ERBB4: variants seen among roughly 807,000 people sequenced by gnomAD.
The protein encoded by ERBB4 is receptor tyrosine-protein kinase erbB-4.
In ERBB4, 42 loss-of-function variants were observed where a neutral mutation model predicts 158.0. The ratio of observed to expected loss-of-function variants is 0.27; its 90% CI spans 0.21 to 0.34. The LOEUF (loss-of-function observed/expected upper bound fraction) is 0.34. Among genes scored for constraint, ERBB4 ranks in the 10% least tolerant of loss-of-function variants. The pLI, the probability that ERBB4 is intolerant of heterozygous loss-of-function variation, is 1.00. For synonymous variants in ERBB4, 583 were observed against 558.7 expected (o/e 1.04, Z -0.61); for missense variants, 1,333 against 1,624.1 (o/e 0.82, Z 3.08).
intron 1 of ERBB4, among the ~76,000 whole-genome samples, chr2:212,244,563 G>C (rs752181683): frequency 2.0e-5 from 3 of 152,136 alleles, no homozygotes; most frequent in African/African-American, 7.2e-5. Flanking sequence ...TATATAAAGA[G>C]AGACGTCTAG....
intron 3 of ERBB4, among the ~76,000 whole-genome samples, chr2:211,806,382 A>G (rs1311540516): frequency 6.6e-6 from 1 of 152,210 alleles, no homozygotes; most frequent in Non-Finnish European, 1.5e-5. Context: ...CCCAGTCGCC[A>G]TTAATCAAAC....
rs1294227765 is a variant in ERBB4 at position 211,441,616 on chromosome 2, C to T, written c.2488-10516G>A. 3.3e-5 allele frequency among the ~76,000 whole-genome samples: 5 copies of T among 152,096 alleles called. No homozygotes were observed. The East Asian group carries it at 9.6e-4, about 29-fold the overall frequency. ...AGTTGTTGAACCCACAGTTGAAGCT[C>T]CTGTGGAAATGCTGATATCTTTTCT... On this transcript the variant is annotated intron_variant, in intron 20 of 27. Transcript: ENST00000342788.
intron 1 of ERBB4, among the ~76,000 whole-genome samples, chr2:212,162,438 A>G (rs2081230259): frequency 6.6e-6 from 1 of 151,872 alleles, no homozygotes; most frequent in Non-Finnish European, 1.5e-5. Flanking sequence ...GGTGAGGGAC[A>G]TGAGGGAACT....
intron 2 of ERBB4, among the ~76,000 whole-genome samples, chr2:211,967,478 T>C (rs951347990): frequency 1.3e-5 from 2 of 152,068 alleles, no homozygotes; most frequent in Admixed American, 6.6e-5. Context: ...ATCTTTTAAT[T>C]ATCATTGGTA....
At chr2:211,610,946 G>A (rs1215552694) in intron 19 of ERBB4, among the ~76,000 whole-genome samples, 1 of 152,026 alleles carries the variant, frequency 6.6e-6, no homozygotes, top group Admixed American at 6.6e-5. Flanking sequence ...TCTCTTTTAG[G>A]TACTTCAATG....
chr2:212,443,451 C>T (rs538851612), intron 1 of ERBB4, among the ~76,000 whole-genome samples: 28 of 152,272 alleles, frequency 1.8e-4, no homozygotes, highest in Admixed American at 1.5e-3. Context: ...TGAGACATTC[C>T]TACTAAGGTG....
intron 1 of ERBB4, among the ~76,000 whole-genome samples, chr2:212,344,490 G>GTA (rs1371983913): frequency 1.3e-5 from 2 of 151,994 alleles, no homozygotes; most frequent in Admixed American, 6.6e-5. Context: ...GTGTGTGTGT[G>GTA]TGTGTGTATA....
intron 1 of ERBB4, among the ~76,000 whole-genome samples, chr2:212,264,210 A>C (rs952132373): frequency 6.6e-6 from 1 of 152,154 alleles, no homozygotes; most frequent in Non-Finnish European, 1.5e-5. Flanking sequence ...GCACAAAATT[A>C]AACCCATACC....
chr2:212,373,843 G>GTATATATCCATGTATATATCCATATATA (rs2090185377), intron 1 of ERBB4, among the ~76,000 whole-genome samples: 7 of 63,234 alleles, frequency 1.1e-4, no homozygotes, highest in Middle Eastern at 0.019. Flanking sequence ...ATATATCCAT[G>GTATATATCCATGTATATATCCATATATA]TATATATCCA....
At chr2:211,782,652 G>A (rs1475333718) in intron 4 of ERBB4, among the ~76,000 whole-genome samples, 2 of 152,168 alleles carry the variant, frequency 1.3e-5, no homozygotes, top group South Asian at 2.1e-4. Flanking sequence ...CAGAGAAGAT[G>A]GTGTAGTTCA....
intron 2 of ERBB4, among the ~76,000 whole-genome samples, chr2:212,061,152 G>A (rs1458113092): frequency 1.3e-5 from 2 of 151,734 alleles, no homozygotes; most frequent in Non-Finnish European, 2.9e-5. Context: ...CCTCTACCAA[G>A]TAAATATTAA....
chr2:211,682,573 C>A (rs1312723855), intron 12 of ERBB4, among the ~76,000 whole-genome samples: 1 of 152,104 alleles, frequency 6.6e-6, no homozygotes, highest in Non-Finnish European at 1.5e-5. Flanking sequence ...ATGTAAGGAT[C>A]TATTCAGTTT....
chr2:212,080,483 C>T (rs1553551547), intron 2 of ERBB4, among the ~76,000 whole-genome samples: 1 of 151,258 alleles, frequency 6.6e-6, no homozygotes, highest in Non-Finnish European at 1.5e-5. Flanking sequence ...GTTATTCAGT[C>T]TCATGCTTAC....
chr2:212,207,360 A>C (rs773267127), intron 1 of ERBB4, among the ~76,000 whole-genome samples: 7 of 152,232 alleles, frequency 4.6e-5, no homozygotes, highest in Non-Finnish European at 1.0e-4. Context: ...TAATGGAATT[A>C]TCTGTTTGTT....
chr2:212,309,327 T>C lies in ERBB4; in HGVS notation c.83-184424A>G, dbSNP rs185939955. Among the ~76,000 whole-genome samples, 6 of 151,076 alleles carry C rather than the reference T, an allele frequency of 4.0e-5. No homozygotes were observed. The East Asian group carries it at 7.8e-4, about 20-fold the overall frequency. Reference sequence around the variant, plus strand: ...GACATAATCCTTAAGGAATTTATAATATACACTGATTAACATATTTATCCA... The same window carrying C: ...GACATAATCCTTAAGGAATTTATAACATACACTGATTAACATATTTATCCA... On this transcript the variant is annotated intron_variant, in intron 1 of 27. Coordinates refer to ENST00000342788, the MANE Select transcript of ERBB4 (RefSeq NM_005235.3).
Position 211,382,925 on chromosome 2 carries a change from G to T in ERBB4, c.*690C>A, listed in dbSNP as rs2062597392. The T allele has an allele frequency of 4.3e-6, 1 of 232,450 alleles. No individual in the cohort carries two copies. The highest frequency in any genetic ancestry group is 1.8e-4 in the South Asian group (1 of 5,508). 14.4% of individuals were successfully genotyped at this position (232,450 alleles called of 1,614,324 possible). A position where few individuals can be genotyped will look rare whatever the true frequency, so the allele number is the denominator to read the frequency against. On this transcript the variant is annotated 3_prime_UTR_variant, in exon 28 of 28. Transcript: ENST00000342788. ...AATTAGAAATTAAAGCCAAAAATAG[G>T]GGAGCAAATATAAAGGAATCGGTCA... is the stretch of plus-strand genomic sequence containing the variant.
intron 20 of ERBB4, among the ~76,000 whole-genome samples, chr2:211,464,461 T>A (rs1015487247): frequency 6.6e-6 from 1 of 152,114 alleles, no homozygotes; most frequent in Non-Finnish European, 1.5e-5. Flanking sequence ...CTAAACAAAA[T>A]TGAAGGCTAA....
At position 211,679,196 on chromosome 2, in the gene ERBB4, C is replaced by A; in HGVS notation, c.1490-12G>T. 6.2e-7 allele frequency: 1 copy of A among 1,613,212 alleles called. No homozygotes were observed. Among genetic ancestry groups the A allele is most frequent in the Non-Finnish European group, 8.5e-7 (1 of 1,179,442 alleles). On this transcript the variant is annotated splice_polypyrimidine_tract_variant and intron_variant, in intron 12 of 27. Coordinates refer to ENST00000342788, the MANE Select transcript of ERBB4 (RefSeq NM_005235.3). ...CATTCCTTCAGCAGCTGTGAAACAC[C>A]AAAATCAAGGGGAAATAAAACAGAG...
At chr2:212,080,985 C>T (rs929524198) in intron 2 of ERBB4, among the ~76,000 whole-genome samples, 3 of 152,106 alleles carry the variant, frequency 2.0e-5, no homozygotes, top group African/African-American at 7.2e-5. Flanking sequence ...ATAGAGAGCA[C>T]GCTGTCAACC....
Sources: gnomAD v4.1 joint callset for allele counts (sites outside exome capture counted in the v4.1 genomes callset) on GRCh38, gnomAD v4.1.1 for gene constraint, MANE v1.5 for transcripts, NCBI Gene and HGNC (gene_info 2026-07-23, HGNC 2026-07-21) for gene names.